CNGB1: variants seen among roughly 807,000 people sequenced by gnomAD.
CNGB1 encodes the protein cyclic nucleotide gated channel subunit beta 1.
A neutral mutation model predicts 151.7 loss-of-function variants in CNGB1; 126 were observed. The observed-to-expected ratio is 0.83, with a 90% CI of 0.72 to 0.96. The LOEUF is 0.96. CNGB1 is among the 40% of genes least tolerant of loss of function. The probability of loss-of-function intolerance (pLI) is 0.00; values close to 1 mark genes in which losing one functional copy is unlikely to be tolerated. For synonymous variants in CNGB1, 623 were observed against 635.1 expected (o/e 0.98, Z 0.29); for missense variants, 1,698 against 1,627.0 (o/e 1.04, Z -0.75).
intron 1 of CNGB1, among the ~76,000 whole-genome samples, chr16:57,967,792 T>C (rs537753747): frequency 6.6e-6 from 1 of 152,260 alleles, no homozygotes; most frequent in African/African-American, 2.4e-5. Flanking sequence ...TGTGTGTATA[T>C]ATTTCTGCAA....
intron 29 of CNGB1, 87 bp downstream of exon 29, chr16:57,901,265 G>A: frequency 1.6e-6 from 2 of 1,286,148 alleles, no homozygotes; most frequent in African/African-American, 1.5e-5. Flanking sequence ...TCTGCCCTGG[G>A]CTGGCAGGCA....
At chr16:57,970,473 G>A (rs1318751558) in intron 1 of CNGB1, among the ~76,000 whole-genome samples, 1 of 152,208 alleles carries the variant, frequency 6.6e-6, no homozygotes, top group Non-Finnish European at 1.5e-5. Flanking sequence ...GCCAACTTGA[G>A]TTTACACTCA....
At chr16:57,956,599 C>T (rs1335181153) in intron 12 of CNGB1, among the ~76,000 whole-genome samples, 1 of 152,140 alleles carries the variant, frequency 6.6e-6, no homozygotes, top group African/African-American at 2.4e-5. Context: ...AGCCTGAGGC[C>T]TGTGGTTGAA....
chr16:57,955,210 G>A, intron 12 of CNGB1: 3 of 1,532,412 alleles, frequency 2.0e-6, no homozygotes, highest in South Asian at 1.2e-5. Flanking sequence ...TGTGGAGAGG[G>A]AGGGGTTCGC....
At chr16:57,892,544 A>G (rs753013073) in intron 31 of CNGB1, among the ~76,000 whole-genome samples, 7 of 152,026 alleles carry the variant, frequency 4.6e-5, no homozygotes, top group Non-Finnish European at 7.4e-5. Context: ...CATCAACACT[A>G]CATCCTTTTA....
At chr16:57,884,589 AG>A (rs1959860220) in intron 32 of CNGB1, 132 bp from the exon 33 acceptor site, 2 of 952,648 alleles carry the variant, frequency 2.1e-6, no homozygotes, top group African/African-American at 3.2e-5. Context: ...GGTGAAATCT[AG>A]TGGGTGGGGT....
chr16:57,944,403 A>G (rs1309951724), intron 14 of CNGB1, among the ~76,000 whole-genome samples: 1 of 152,170 alleles, frequency 6.6e-6, no homozygotes, highest in Non-Finnish European at 1.5e-5. Context: ...GGGGAGATAG[A>G]TGTTGGTTAA....
intron 8 of CNGB1, 32 bp from the exon 9 acceptor site, chr16:57,960,562 C>T (rs1962221949): frequency 1.9e-6 from 3 of 1,609,444 alleles, no homozygotes; most frequent in Non-Finnish European, 2.5e-6. Context: ...AGGTCATGGG[C>T]CATAGCAAGC....
intron 1 of CNGB1, among the ~76,000 whole-genome samples, chr16:57,970,120 T>C (rs780378935): frequency 1.2e-4 from 19 of 152,112 alleles, no homozygotes; most frequent in Non-Finnish European, 1.6e-4. Context: ...GGAACACAGC[T>C]CTAAGTGTCA....
At chr16:57,899,796 G>A (rs1158830007) in intron 29 of CNGB1, among the ~76,000 whole-genome samples, 1 of 152,168 alleles carries the variant, frequency 6.6e-6, no homozygotes, top group Non-Finnish European at 1.5e-5. Context: ...TTGCCTCCAT[G>A]TTTCTGTTTA....
At chr16:57,896,756 AT>A (rs1205856822) in intron 31 of CNGB1, among the ~76,000 whole-genome samples, 29 of 150,454 alleles carry the variant, frequency 1.9e-4, no homozygotes, top group African/African-American at 3.9e-4. Context: ...AAATAAATAA[AT>A]AAATAAAATA....
Position 57,903,864 on chromosome 16 carries a change from T to C in CNGB1, c.2752A>G (p.Lys918Glu), listed in dbSNP as rs1960457862. ...TGCCAGGTGTACTCGTACCAGGTCT[T>C]GACGCGGTTCTGCACGGACTTGGGG... ...KIPKSVQNRV[K>E]TWYEYTWHSQ... Residue 918 changes from lysine (K) to glutamate (E), a missense_variant, in exon 27 of 33, where the codon AAG becomes GAG. Lys to Glu is a moderately conservative substitution (Grantham distance 56, BLOSUM62 1). Transcript: ENST00000251102. The C allele has an allele frequency of 6.2e-7, 1 of 1,614,204 alleles. No individual in the cohort carries two copies. The highest frequency in any genetic ancestry group is 8.5e-7 in the Non-Finnish European group (1 of 1,180,030).
At chr16:57,945,596 G>C (rs1304921610) in intron 14 of CNGB1, among the ~76,000 whole-genome samples, 2 of 152,234 alleles carry the variant, frequency 1.3e-5, no homozygotes, top group Non-Finnish European at 2.9e-5. Flanking sequence ...GTCAAAAAAA[G>C]ACTGCCAGAT....
At chr16:57,885,839 C>A (rs1959915777) in intron 32 of CNGB1, among the ~76,000 whole-genome samples, 1 of 152,016 alleles carries the variant, frequency 6.6e-6, no homozygotes, top group Non-Finnish European at 1.5e-5. Flanking sequence ...AGTGATCTGC[C>A]CACCTTGGCC....
At chr16:57,949,541 C>G in intron 13 of CNGB1, 102 bp from the exon 14 acceptor site, 1 of 1,584,002 alleles carries the variant, frequency 6.3e-7, no homozygotes, top group South Asian at 1.1e-5. Flanking sequence ...ACACCTGAGC[C>G]CAGACCTGGA....
intron 13 of CNGB1, 133 bp downstream of exon 13, chr16:57,950,248 A>T: frequency 9.5e-7 from 1 of 1,054,190 alleles, no homozygotes; most frequent in Non-Finnish European, 1.5e-6. Context: ...TGGGAGAAGG[A>T]TGGCTGTATG....
rs1468058866 is a variant in CNGB1 at position 57,901,276 on chromosome 16, C to T, written c.2976+76G>A. ...TCGCTCTGCCCTGGGCTGGCAGGCA[C>T]CCCTCCAGCTCAGTTCCTTGAAAGC... On this transcript the variant is annotated intron_variant, in intron 29 of 32. Transcript: ENST00000251102. 4 of 1,401,334 alleles carry T rather than the reference C, an allele frequency of 2.9e-6. No homozygotes were observed. The African/African-American group carries it at 4.2e-5, about 15-fold the overall frequency. 86.8% of individuals were successfully genotyped at this position (1,401,334 alleles called of 1,614,324 possible).
intron 14 of CNGB1, among the ~76,000 whole-genome samples, chr16:57,945,632 C>T (rs1961787704): frequency 6.6e-6 from 1 of 152,228 alleles, no homozygotes; most frequent in Non-Finnish European, 1.5e-5. Context: ...CTTCTGGATT[C>T]TTCATCACTA....
chr16:57,955,363 T>C (rs1331305494), intron 12 of CNGB1: 2 of 1,551,420 alleles, frequency 1.3e-6, no homozygotes, highest in Non-Finnish European at 1.7e-6. Context: ...CCAGCTCCCA[T>C]CACCCCTGAA....
Sources: gnomAD v4.1 joint callset for allele counts (sites outside exome capture counted in the v4.1 genomes callset) on GRCh38, gnomAD v4.1.1 for gene constraint, MANE v1.5 for transcripts, NCBI Gene and HGNC (gene_info 2026-07-23, HGNC 2026-07-21) for gene names.